Variants in ATXN7 observed in about 807,000 individuals in gnomAD.
ATXN7 encodes the protein ataxin 7.
In ATXN7, 12 loss-of-function variants were observed where a neutral mutation model predicts 70.5. That is an observed-to-expected ratio of 0.17 (90% CI 0.11 to 0.28). ATXN7 has a LOEUF of 0.28. Ranked by LOEUF, ATXN7 falls within the 10% of genes least tolerant of loss-of-function variation. The pLI is 1.00. For missense variants in ATXN7, 1,256 were observed against 1,131.7 expected, an observed-to-expected ratio of 1.11 and a Z score of -1.58; for synonymous variants, 498 against 448.7, an observed-to-expected ratio of 1.11 and a Z score of -1.39.
chr3:63,887,162 G>A (rs565135771), intron 1 of ATXN7, among the ~76,000 whole-genome samples: 38 of 152,292 alleles, frequency 2.5e-4, no homozygotes, highest in African/African-American at 7.7e-4. Context: ...TATTGAGCCC[G>A]TTAGGTGTGA....
At chr3:63,971,791 A>C (rs1482358254) in intron 5 of ATXN7, among the ~76,000 whole-genome samples, 2 of 152,222 alleles carry the variant, frequency 1.3e-5, no homozygotes, top group African/African-American at 4.8e-5. Flanking sequence ...AAATATATTA[A>C]GTAAATAATG....
At chr3:63,926,030 C>G (rs943755746) in intron 4 of ATXN7, among the ~76,000 whole-genome samples, 5 of 152,088 alleles carry the variant, frequency 3.3e-5, no homozygotes, top group African/African-American at 1.2e-4. Context: ...TGTGAAATCC[C>G]CAAGTTTCTA....
chr3:63,927,239 C>T (rs936873794), intron 4 of ATXN7, among the ~76,000 whole-genome samples: 11 of 152,288 alleles, frequency 7.2e-5, no homozygotes, highest in African/African-American at 2.6e-4. Context: ...GAATTTTCCA[C>T]ATCACTCTCT....
intron 4 of ATXN7, among the ~76,000 whole-genome samples, chr3:63,938,745 A>G (rs368185416): frequency 6.6e-6 from 1 of 152,258 alleles, no homozygotes; most frequent in African/African-American, 2.4e-5. Context: ...ACAAGCATCA[A>G]TGAAAGCATT....
intron 5 of ATXN7, among the ~76,000 whole-genome samples, chr3:63,956,698 C>T (rs923728607): frequency 9.9e-5 from 15 of 152,118 alleles, no homozygotes; most frequent in African/African-American, 3.6e-4. Context: ...AGATACAGTC[C>T]ACTCTGGTGG....
intron 4 of ATXN7, among the ~76,000 whole-genome samples, chr3:63,923,560 ACTTT>A (rs1227246540): frequency 3.9e-5 from 6 of 152,268 alleles, no homozygotes; most frequent in African/African-American, 1.4e-4. Context: ...TAATCCTAGC[ACTTT>A]GGGAGACTGA....
chr3:63,992,270 C>T (rs1008988172), intron 11 of ATXN7, among the ~76,000 whole-genome samples: 14 of 152,296 alleles, frequency 9.2e-5, no homozygotes, highest in African/African-American at 3.1e-4. Flanking sequence ...CACTGTTACT[C>T]TGCTTTTCTT....
rs2075748737 is a variant in ATXN7 at position 63,995,789 on chromosome 3, C to T, written c.1967C>T (p.Pro656Leu). Residue 656 changes from proline (P) to leucine (L), a missense_variant, in exon 12 of 13, where the codon CCC (proline) becomes CTC (leucine). Pro to Leu is a moderately conservative substitution (Grantham distance 98). Transcript: ENST00000674280. ...VSSSSSSPST[P>L]SGLSSVPSSP... is the part of the protein sequence containing the mutation. ...TCTTCATCCTCATCCCCTTCCACGC[C>T]CTCTGGCCTTTCCTCGGTTCCTTCC... 1.9e-6 allele frequency: 3 copies of T among 1,614,224 alleles called. No individual in the cohort carries two copies. Among genetic ancestry groups the T allele is most frequent in the Non-Finnish European group, 8.5e-7 (1 of 1,180,052 alleles).
chr3:63,967,759 G>T (rs2075250416), intron 5 of ATXN7: 1 of 1,449,542 alleles, frequency 6.9e-7, no homozygotes, highest in Non-Finnish European at 9.1e-7. Flanking sequence ...CTGTTGATCT[G>T]CCAGGACCTT....
chr3:63,910,844 A>T (rs922936093), intron 2 of ATXN7, among the ~76,000 whole-genome samples: 1 of 151,442 alleles, frequency 6.6e-6, no homozygotes, highest in Non-Finnish European at 1.5e-5. Context: ...GTGTGTGTGT[A>T]TGTGTAAGTA....
intron 2 of ATXN7, among the ~76,000 whole-genome samples, chr3:63,902,517 T>C (rs776407288): frequency 4.6e-5 from 7 of 152,246 alleles, no homozygotes; most frequent in African/African-American, 7.2e-5. Context: ...ATGTGTACTT[T>C]ATGTCTTGGA....
chr3:63,967,932 T>G, intron 5 of ATXN7: 2 of 1,535,928 alleles, frequency 1.3e-6, no homozygotes, highest in Non-Finnish European at 1.7e-6. Context: ...GCAAGACGCC[T>G]CTCCAAAGCA....
At chr3:63,915,172 T>TGACC (rs1322888753) in intron 4 of ATXN7, among the ~76,000 whole-genome samples, 1 of 152,172 alleles carries the variant, frequency 6.6e-6, no homozygotes, top group Non-Finnish European at 1.5e-5. Flanking sequence ...CCTAACCTCG[T>TGACC]GACCCACCTG....
At chr3:63,880,113 G>A (rs892364355) in intron 1 of ATXN7, among the ~76,000 whole-genome samples, 1 of 151,962 alleles carries the variant, frequency 6.6e-6, no homozygotes, top group African/African-American at 2.4e-5. Context: ...CAGATTTTTA[G>A]CTTATCAAAA....
intron 1 of ATXN7, among the ~76,000 whole-genome samples, chr3:63,865,933 A>G (rs1443225522): frequency 1.4e-5 from 2 of 147,740 alleles, no homozygotes; most frequent in Non-Finnish European, 3.0e-5. Flanking sequence ...AAAGAAAGTA[A>G]TTGTCATGTG....
At chr3:63,990,143 A>ATCTG (rs774818107) in intron 9 of ATXN7, 33 bp from the exon 10 acceptor site, 43 of 1,606,786 alleles carry the variant, frequency 2.7e-5, no homozygotes, top group Admixed American at 8.3e-5. Flanking sequence ...CAGGTGTGTG[A>ATCTG]TCTGATCCGT....
intron 11 of ATXN7, among the ~76,000 whole-genome samples, chr3:63,993,688 G>C (rs1467621065): frequency 6.6e-6 from 1 of 152,164 alleles, no homozygotes; most frequent in Admixed American, 6.5e-5. Flanking sequence ...AGGAACTTGT[G>C]ATTGCCTCCC....
intron 2 of ATXN7, among the ~76,000 whole-genome samples, chr3:63,902,772 C>T (rs998754067): frequency 6.6e-6 from 1 of 151,998 alleles, no homozygotes; most frequent in Non-Finnish European, 1.5e-5. Flanking sequence ...CAGTCCATGC[C>T]GTTGCCACTC....
intron 11 of ATXN7, 182 bp downstream of exon 11, chr3:63,991,041 T>A: frequency 1.1e-5 from 9 of 788,580 alleles, no homozygotes; most frequent in Non-Finnish European, 1.8e-5. Context: ...AACTACATAT[T>A]GTTGTGGGTG....
Sources: gnomAD v4.1 joint callset for allele counts (sites outside exome capture counted in the v4.1 genomes callset) on GRCh38, gnomAD v4.1.1 for gene constraint, MANE v1.5 for transcripts, NCBI Gene and HGNC (gene_info 2026-07-23, HGNC 2026-07-21) for gene names.